Variants in COL25A1 observed in about 807,000 individuals in gnomAD.
COL25A1 encodes the protein collagen alpha-1(XXV) chain.
In COL25A1, 103 loss-of-function variants were observed where a neutral mutation model predicts 128.4. The ratio of observed to expected loss-of-function variants is 0.80; its 90% confidence interval spans 0.68 to 0.94. COL25A1 has a LOEUF of 0.94. COL25A1 is among the 40% of genes least tolerant of loss of function. The pLI is 0.00. For synonymous variants in COL25A1, 279 were observed against 277.2 expected (o/e 1.01, Z -0.06); for missense variants, 745 against 840.0 (o/e 0.89, Z 1.40).
chr4:108,932,663 G>A (rs1746889933), intron 11 of COL25A1, among the ~76,000 whole-genome samples: 1 of 152,140 alleles, frequency 6.6e-6, no homozygotes, highest in Admixed American at 6.6e-5. Flanking sequence ...TAATATACAT[G>A]AAACTGGAGC....
At chr4:108,964,382 T>C (rs1005250882) in intron 8 of COL25A1, among the ~76,000 whole-genome samples, 2 of 151,668 alleles carry the variant, frequency 1.3e-5, no homozygotes, top group Non-Finnish European at 2.9e-5. Context: ...ATTTTATATA[T>C]ATAAGCATTT....
chr4:109,168,406 C>T (rs189844917), intron 3 of COL25A1, among the ~76,000 whole-genome samples: 20 of 152,286 alleles, frequency 1.3e-4, no homozygotes, highest in Non-Finnish European at 2.4e-4. Flanking sequence ...GTAAATGCAA[C>T]GACTTTCTCT....
At chr4:109,029,510 T>C (rs1758633020) in intron 5 of COL25A1, among the ~76,000 whole-genome samples, 1 of 152,216 alleles carries the variant, frequency 6.6e-6, no homozygotes, top group Non-Finnish European at 1.5e-5. Context: ...ACTTTTATGG[T>C]AGTATATAGT....
chr4:109,288,976 C>T (rs989069675), intron 3 of COL25A1, among the ~76,000 whole-genome samples: 7 of 150,088 alleles, frequency 4.7e-5, no homozygotes, highest in African/African-American at 7.5e-5. Context: ...CACACACACA[C>T]ACACACACAC....
At chr4:109,265,759 T>C (rs1163645566) in intron 3 of COL25A1, among the ~76,000 whole-genome samples, 1 of 152,160 alleles carries the variant, frequency 6.6e-6, no homozygotes, top group African/African-American at 2.4e-5. Flanking sequence ...TCTCATTATC[T>C]GCCTGCTAAA....
Position 108,931,211 on chromosome 4 carries a change from T to C in COL25A1, c.708+6597A>G, listed in dbSNP as rs143270822. On this transcript the variant is annotated intron_variant, in intron 11 of 37. Transcript: ENST00000399132. ...ACAGAACATATATAACAGATACATATAATATGCATCTGTGCATTCATAATA... is the reference window on the plus strand; with the variant it reads ...ACAGAACATATATAACAGATACATACAATATGCATCTGTGCATTCATAATA... 3.5e-4 allele frequency among the ~76,000 whole-genome samples: 54 copies of C among 152,282 alleles called. 2 individuals carry two copies. In the East Asian group the frequency reaches 9.9e-3, roughly 28 times the overall value.
chr4:109,153,262 G>C (rs1443570745), intron 3 of COL25A1, among the ~76,000 whole-genome samples: 1 of 151,662 alleles, frequency 6.6e-6, no homozygotes, highest in East Asian at 1.9e-4. Flanking sequence ...GCTCATGCCT[G>C]TAATCCCAGC....
chr4:108,815,715 C>A (rs1460948847), intron 37 of COL25A1, among the ~76,000 whole-genome samples: 1 of 151,902 alleles, frequency 6.6e-6, no homozygotes, highest in Non-Finnish European at 1.5e-5. Context: ...ATTTCATGAA[C>A]CATTTCATGA....
intron 31 of COL25A1, among the ~76,000 whole-genome samples, chr4:108,833,228 C>A (rs1434569700): frequency 6.6e-6 from 1 of 152,194 alleles, no homozygotes; most frequent in Non-Finnish European, 1.5e-5. Flanking sequence ...AAACTTCCTG[C>A]AGCTCTGTTG....
intron 3 of COL25A1, among the ~76,000 whole-genome samples, chr4:109,236,716 A>C (rs565949908): frequency 2.6e-5 from 4 of 152,230 alleles, no homozygotes; most frequent in Admixed American, 1.3e-4. Flanking sequence ...TGCACACTTT[A>C]AAATATAATC....
At chr4:109,143,818 T>G (rs1770669368) in intron 3 of COL25A1, among the ~76,000 whole-genome samples, 1 of 152,206 alleles carries the variant, frequency 6.6e-6, no homozygotes, top group African/African-American at 2.4e-5. Context: ...GGTTCTTAGC[T>G]TCCTTGCATT....
chr4:108,883,813 GGATGTTAA>G (rs1740427636), intron 19 of COL25A1, among the ~76,000 whole-genome samples: 1 of 151,992 alleles, frequency 6.6e-6, no homozygotes, highest in African/African-American at 2.4e-5. Context: ...AGCTTTATGG[GGATGTTAA>G]GACTCTAATT....
intron 3 of COL25A1, among the ~76,000 whole-genome samples, chr4:109,085,337 C>T (rs531979117): frequency 1.3e-5 from 2 of 152,318 alleles, no homozygotes; most frequent in South Asian, 4.1e-4. Flanking sequence ...AGATGAAGTA[C>T]AGCATATTCC....
chr4:109,070,864 CTCA>C (rs1470623682), intron 3 of COL25A1, among the ~76,000 whole-genome samples: 1 of 152,106 alleles, frequency 6.6e-6, no homozygotes, highest in African/African-American at 2.4e-5. Context: ...AGGACACGAG[CTCA>C]TCCTTTTTTA....
intron 6 of COL25A1, among the ~76,000 whole-genome samples, chr4:108,995,613 T>C (rs1186423924): frequency 6.6e-6 from 1 of 151,870 alleles, no homozygotes; most frequent in African/African-American, 2.4e-5. Context: ...CAGGAAATAA[T>C]TGAACACCAC....
chr4:108,871,815 C>T (rs545108405), intron 19 of COL25A1, among the ~76,000 whole-genome samples: 31 of 152,204 alleles, frequency 2.0e-4, no homozygotes, highest in Non-Finnish European at 3.2e-4. Flanking sequence ...GAAACATTAT[C>T]TCCATTCTCT....
chr4:109,126,163 T>C (rs914883823), intron 3 of COL25A1, among the ~76,000 whole-genome samples: 1 of 152,210 alleles, frequency 6.6e-6, no homozygotes, highest in Non-Finnish European at 1.5e-5. Flanking sequence ...AATGTTTTTC[T>C]AATCCTCACG....
At chr4:109,272,100 G>A (rs1298352693) in intron 3 of COL25A1, among the ~76,000 whole-genome samples, 1 of 152,020 alleles carries the variant, frequency 6.6e-6, no homozygotes, top group African/African-American at 2.4e-5. Flanking sequence ...ACCAGTCATG[G>A]TGGTGTGTAC....
intron 32 of COL25A1, among the ~76,000 whole-genome samples, chr4:108,831,715 A>T (rs937733967): frequency 7.4e-5 from 10 of 135,368 alleles, no homozygotes; most frequent in Non-Finnish European, 1.1e-4. Context: ...AGAGAGAGAG[A>T]GCGCATGCAT....
Sources: gnomAD v4.1 joint callset for allele counts (sites outside exome capture counted in the v4.1 genomes callset) on GRCh38, gnomAD v4.1.1 for gene constraint, MANE v1.5 for transcripts, NCBI Gene and HGNC (gene_info 2026-07-23, HGNC 2026-07-21) for gene names.